Variants in LINGO1 observed in about 807,000 individuals in gnomAD.
The protein encoded by LINGO1 is leucine rich repeat and Ig domain containing 1, also known as leucine-rich repeat and immunoglobulin-like domain-containing nogo receptor-interacting protein 1.
LINGO1 carries 11 observed loss-of-function variants against 37.3 expected under a neutral mutation model. The ratio of observed to expected loss-of-function variants is 0.29; its 90% CI spans 0.19 to 0.49. The LOEUF (loss-of-function observed/expected upper bound fraction) is 0.49, where lower values mean the gene tolerates loss of function less well. Among genes scored for constraint, LINGO1 ranks in the 20% least tolerant of loss-of-function variants. The pLI is 0.99. For synonymous variants in LINGO1, 387 were observed against 403.0 expected, an observed-to-expected ratio of 0.96 and a Z score of 0.48; for missense variants, 585 against 878.2, an observed-to-expected ratio of 0.67 and a Z score of 4.22.
intron 1 of LINGO1, among the ~76,000 whole-genome samples, chr15:77,767,260 T>C (rs1366308883): frequency 6.6e-6 from 1 of 152,192 alleles, no homozygotes; most frequent in East Asian, 1.9e-4. Flanking sequence ...CTGTGATTTC[T>C]TAACACCAGC....
chr15:77,809,802 GC>G (rs2076988499), intron 1 of LINGO1, among the ~76,000 whole-genome samples: 1 of 152,182 alleles, frequency 6.6e-6, no homozygotes, highest in African/African-American at 2.4e-5. Context: ...AGAAACATTT[GC>G]CCAGGAGAGG....
intron 3 of LINGO1, among the ~76,000 whole-genome samples, chr15:77,660,876 G>A (rs2074977288): frequency 6.6e-6 from 1 of 152,200 alleles, no homozygotes. Flanking sequence ...AGGCGGGAGG[G>A]ATGGATGGAG....
chr15:77,654,235 G>A (rs539995626), intron 3 of LINGO1, among the ~76,000 whole-genome samples: 34 of 152,294 alleles, frequency 2.2e-4, no homozygotes, highest in Admixed American at 1.3e-3. Flanking sequence ...AGAAATTACC[G>A]TGAGTTGTTT....
intron 2 of LINGO1, among the ~76,000 whole-genome samples, chr15:77,710,461 A>G (rs917212085): frequency 2.6e-5 from 4 of 152,230 alleles, no homozygotes; most frequent in Admixed American, 1.3e-4. Context: ...TAGAGACATC[A>G]GATTAATGAG....
intron 1 of LINGO1, among the ~76,000 whole-genome samples, chr15:77,785,339 T>C (rs1328381644): frequency 2.0e-5 from 3 of 152,208 alleles, no homozygotes; most frequent in Admixed American, 2.0e-4. Context: ...ACAGGTGGGG[T>C]CCTGCCAGTT....
intron 2 of LINGO1, among the ~76,000 whole-genome samples, chr15:77,705,264 C>T (rs2075838163): frequency 6.6e-6 from 1 of 151,122 alleles, no homozygotes; most frequent in South Asian, 2.1e-4. Context: ...AGTTTTATTC[C>T]CTGACCACAA....
chr15:77,751,598 G>A (rs908558506), intron 1 of LINGO1, among the ~76,000 whole-genome samples: 1 of 152,138 alleles, frequency 6.6e-6, no homozygotes, highest in African/African-American at 2.4e-5. Flanking sequence ...CAGTGCTTCA[G>A]GCCTTTCCAT....
intron 2 of LINGO1, among the ~76,000 whole-genome samples, chr15:77,793,282 C>T (rs968431274): frequency 6.6e-6 from 1 of 152,170 alleles, no homozygotes; most frequent in Non-Finnish European, 1.5e-5. Flanking sequence ...CACAGCTTTG[C>T]CTACCCTTTC....
At chr15:77,819,580 ACAC>A (rs2077080990) in intron 1 of LINGO1, 1 of 40,604 alleles carries the variant, frequency 2.5e-5, no homozygotes, top group Non-Finnish European at 1.0e-4. Flanking sequence ...ACTCGCGCAC[ACAC>A]GCGCACACCC....
At chr15:77,806,425 G>A (rs1350692201) in intron 1 of LINGO1, among the ~76,000 whole-genome samples, 2 of 152,202 alleles carry the variant, frequency 1.3e-5, no homozygotes, top group African/African-American at 4.8e-5. Flanking sequence ...CTCGGCAGAA[G>A]TGGAGCAGGC....
At position 77,725,093 on chromosome 15, in the gene LINGO1, G is replaced by A. The variant is rs560459584; in HGVS notation, c.-195+9899C>T. Among the ~76,000 whole-genome samples, 137 of 152,326 alleles carry A rather than the reference G, an allele frequency of 9.0e-4. 1 individual carries two copies. Among genetic ancestry groups the A allele is most frequent in the African/African-American group, 3.2e-3 (135 of 41,572 alleles). On this transcript the variant is annotated intron_variant, in intron 2 of 3. Coordinates refer to the LINGO1 transcript ENST00000561686. ...CTGATGGTGGGGCTCCCTTCTGGGTGTCCAAGCTGGTTTGGGTGTGCCCAG... is the reference window on the plus strand; with the variant it reads ...CTGATGGTGGGGCTCCCTTCTGGGTATCCAAGCTGGTTTGGGTGTGCCCAG...
chr15:77,667,588 C>A (rs1027724542), intron 3 of LINGO1: 2 of 152,198 alleles, frequency 1.3e-5, no homozygotes, highest in African/African-American at 2.4e-5. Context: ...AAGGCCACCC[C>A]CTCCTATCCC....
intron 1 of LINGO1, among the ~76,000 whole-genome samples, chr15:77,756,199 G>A (rs2076417135): frequency 6.6e-6 from 1 of 152,164 alleles, no homozygotes; most frequent in African/African-American, 2.4e-5. Flanking sequence ...GCAGGGTCCT[G>A]ATCTCTGCAT....
At chr15:77,727,911 T>C (rs1318877504) in intron 2 of LINGO1, among the ~76,000 whole-genome samples, 2 of 152,088 alleles carry the variant, frequency 1.3e-5, no homozygotes, top group Non-Finnish European at 2.9e-5. Flanking sequence ...CACATTCCTT[T>C]GAGAAAATGT....
intron 1 of LINGO1, among the ~76,000 whole-genome samples, chr15:77,743,884 G>A (rs1191152398): frequency 2.0e-5 from 3 of 152,082 alleles, no homozygotes; most frequent in African/African-American, 7.2e-5. Flanking sequence ...CATGGTGAGC[G>A]CCAGAAGCCC....
intron 3 of LINGO1, among the ~76,000 whole-genome samples, chr15:77,652,481 A>AGTGTGTGT (rs1490464576): frequency 8.9e-5 from 5 of 56,364 alleles, no homozygotes; most frequent in South Asian, 7.5e-4. Flanking sequence ...CTGGGGAGGG[A>AGTGTGTGT]GAGTGTGTGT....
At chr15:77,651,006 G>T (rs957019401) in intron 3 of LINGO1, among the ~76,000 whole-genome samples, 1 of 152,080 alleles carries the variant, frequency 6.6e-6, no homozygotes, top group South Asian at 2.1e-4. Flanking sequence ...TCACTGGTAG[G>T]CTTCAAAGGT....
intron 1 of LINGO1, among the ~76,000 whole-genome samples, chr15:77,751,721 G>C (rs2076373277): frequency 6.6e-6 from 1 of 152,272 alleles, no homozygotes; most frequent in Middle Eastern, 3.4e-3. Flanking sequence ...TTTGAATCCA[G>C]CCATTCAACT....
intron 1 of LINGO1, among the ~76,000 whole-genome samples, chr15:77,623,665 C>T (rs1056301691): frequency 6.6e-6 from 1 of 151,786 alleles, no homozygotes; most frequent in Admixed American, 6.6e-5. Flanking sequence ...GGTTGGTCCG[C>T]CCCGCCCCCA....
Sources: gnomAD v4.1 joint callset for allele counts (sites outside exome capture counted in the v4.1 genomes callset) on GRCh38, gnomAD v4.1.1 for gene constraint, MANE v1.5 for transcripts, NCBI Gene and HGNC (gene_info 2026-07-23, HGNC 2026-07-21) for gene names.